The following CWC15 variants were observed in gnomAD, a reference collection of about 807,000 sequenced individuals.
CWC15 encodes CWC15 spliceosome associated protein.
Under a neutral mutation model 28.4 loss-of-function variants are expected in CWC15, and 12 were observed. The observed-to-expected ratio is 0.42, with a 90% CI of 0.27 to 0.69. The LOEUF is 0.69. Among genes scored for constraint, CWC15 ranks in the 30% least tolerant of loss-of-function variants. The pLI, the probability that CWC15 is intolerant of heterozygous loss-of-function variation, is 0.23. For missense variants in CWC15, 192 were observed against 271.5 expected (o/e 0.71, Z 2.06); for synonymous variants, 92 against 88.4 (o/e 1.04, Z -0.23).
intron 6 of CWC15, 73 bp downstream of exon 6, chr11:94,966,218 TACAC>T: frequency 5.1e-6 from 4 of 788,902 alleles, no homozygotes; most frequent in South Asian, 3.6e-5. Flanking sequence ...TGTATACACA[TACAC>T]ATATACACAC....
intron 6 of CWC15, 69 bp downstream of exon 6, chr11:94,966,226 T>TACACACACACACACACACACAC (rs58215154): frequency 4.9e-6 from 3 of 608,050 alleles, no homozygotes; most frequent in Non-Finnish European, 8.7e-6. Flanking sequence ...CATACACATA[T>TACACACACACACACACACACAC]ACACACACAC....
At chr11:94,972,858 G>C (rs1857743460) in intron 1 of CWC15, among the ~76,000 whole-genome samples, 1 of 151,984 alleles carries the variant, frequency 6.6e-6, no homozygotes, top group Admixed American at 6.5e-5. Flanking sequence ...ATAATTTAAG[G>C]CCTGTTCAAA....
intron 6 of CWC15, among the ~76,000 whole-genome samples, chr11:94,964,781 T>A (rs145360437): frequency 6.6e-6 from 1 of 152,364 alleles, no homozygotes; most frequent in African/African-American, 2.4e-5. Context: ...TTGTATAATG[T>A]TTAGAGGCTG....
At chr11:94,972,033 T>TA in intron 2 of CWC15, 22 bp downstream of exon 2, 1 of 1,602,094 alleles carries the variant, frequency 6.2e-7, no homozygotes, top group Non-Finnish European at 8.5e-7. Context: ...TTGTGAACAA[T>TA]AAAAAAAGAA....
chr11:94,966,835 TA>T (rs1381459716), intron 5 of CWC15, among the ~76,000 whole-genome samples: 1 of 152,138 alleles, frequency 6.6e-6, no homozygotes, highest in Non-Finnish European at 1.5e-5. Context: ...ACCTTCATTT[TA>T]AAGGGTCATA....
chr11:94,966,602 T>C (rs1258853215), intron 5 of CWC15, among the ~76,000 whole-genome samples, 189 bp from the exon 6 acceptor site: 1 of 144,496 alleles, frequency 6.9e-6, no homozygotes, highest in Non-Finnish European at 1.5e-5. Flanking sequence ...CTCATCAAAA[T>C]AAAATAATTT....
intron 6 of CWC15, among the ~76,000 whole-genome samples, chr11:94,965,012 G>A (rs1857618236): frequency 6.6e-6 from 1 of 152,102 alleles, no homozygotes; most frequent in African/African-American, 2.4e-5. Flanking sequence ...TCACTCCAGA[G>A]GGGAGAGCAG....
In CWC15 at chr11:94,971,422, C is replaced by T; in HGVS notation, c.197G>A (p.Arg66Lys). 1 of 1,613,140 alleles carries T rather than the reference C, an allele frequency of 6.2e-7. No individual in the cohort carries two copies. Among genetic ancestry groups the T allele is most frequent in the Non-Finnish European group, 8.5e-7 (1 of 1,179,524 alleles). Residue 66 changes from arginine (R) to lysine (K), a missense_variant, in exon 3 of 7, where the codon AGA becomes AAA. Arg to Lys is a conservative substitution (Grantham distance 26, BLOSUM62 2). Around this residue, in one of 2 missense-constraint regions of CWC15, gnomAD observed 188 missense variants for 250.3 expected, o/e 0.75. Transcript: ENST00000279839. ...NRDFRRELEERERAAAREKNR... is the reference protein window; with the variant it reads ...NRDFRRELEEKERAAAREKNR... ...TTTCTCTCTTGCAGCAGCTCTCTCT[C>T]TTTCTTCCAACTCTCTCCTGAAGTC...
chr11:94,966,392 C>T lies in CWC15; in HGVS notation c.463G>A (p.Glu155Lys). ...ARKEQEQKAE[E>K]ERIRMENILS... ...ATGTTTTCCATACGAATCCTCTCTT[C>T]TTCAGCTTTTTGTTCTTGTTCCTGT... The change falls in exon 6 of 7, where the codon GAA becomes AAA. Residue 155 changes from glutamate (E) to lysine (K), a missense_variant. Glu to Lys is a moderately conservative substitution (Grantham distance 56, BLOSUM62 1). Transcript: ENST00000279839. 1 of 1,552,532 alleles carries T rather than the reference C, an allele frequency of 6.4e-7. No individual in the cohort carries two copies. Among genetic ancestry groups the T allele is most frequent in the Non-Finnish European group, 8.7e-7 (1 of 1,147,250 alleles).
intron 6 of CWC15, among the ~76,000 whole-genome samples, chr11:94,964,962 C>T (rs1030157670): frequency 3.3e-5 from 5 of 152,252 alleles, no homozygotes; most frequent in African/African-American, 1.2e-4. Context: ...CTACTATCTC[C>T]AGCTTGGACT....
rs1555095258 is a variant in CWC15, at chr11:94,966,283, A to G, written c.560+12T>C. Reference sequence around the variant, plus strand: ...CACACACACACTCCATTACTCCGTTACTGTATAGTACCTTCTTTTAACTTT... The same window carrying G: ...CACACACACACTCCATTACTCCGTTGCTGTATAGTACCTTCTTTTAACTTT... On this transcript the variant is annotated intron_variant, in intron 6 of 6. Transcript: ENST00000279839. The G allele has an allele frequency of 7.5e-7, 1 of 1,338,036 alleles. No homozygotes were observed. Among genetic ancestry groups the G allele is most frequent in the Non-Finnish European group, 1.0e-6 (1 of 953,958 alleles). 82.9% of individuals were successfully genotyped at this position (1,338,036 alleles called of 1,614,324 possible).
At chr11:94,969,525 T>G (rs587751091) in intron 5 of CWC15, among the ~76,000 whole-genome samples, 1 of 152,224 alleles carries the variant, frequency 6.6e-6, no homozygotes, top group East Asian at 1.9e-4. Context: ...AGTTTTATAT[T>G]TTTTCCTCAT....
At chr11:94,964,439 A>C (rs587688855) in intron 6 of CWC15, among the ~76,000 whole-genome samples, 2 of 152,250 alleles carry the variant, frequency 1.3e-5, no homozygotes, top group Non-Finnish European at 1.5e-5. Context: ...GAGCAGATCA[A>C]TATGACTGGG....
chr11:94,968,480 G>C lies in CWC15; in HGVS notation c.441+1509C>G, dbSNP rs1267111062. ...GTCTAAAATGTTTATCCTCCCTCAA[G>C]GTCAACCAAAAGCATTTAAATTGCT... On this transcript the variant is annotated intron_variant, in intron 5 of 6. Transcript: ENST00000279839. 3.3e-5 allele frequency among the ~76,000 whole-genome samples: 5 copies of C among 152,202 alleles called. No homozygotes were observed. In the East Asian group the frequency reaches 9.6e-4, roughly 29 times the overall value.
At chr11:94,969,468 T>C (rs587689190) in intron 5 of CWC15, among the ~76,000 whole-genome samples, 11 of 152,332 alleles carry the variant, frequency 7.2e-5, no homozygotes, top group African/African-American at 2.6e-4. Flanking sequence ...CAGTTTCACC[T>C]CTTATTATCA....
intron 4 of CWC15, 191 bp from the exon 5 acceptor site, chr11:94,970,287 A>G: frequency 2.5e-6 from 1 of 403,914 alleles, no homozygotes. Flanking sequence ...AATAATTTCA[A>G]ATGAATAATC....
At chr11:94,971,263 T>C (rs927497658) in intron 3 of CWC15, 112 bp downstream of exon 3, 2 of 992,656 alleles carry the variant, frequency 2.0e-6, no homozygotes, top group Non-Finnish European at 3.1e-6. Flanking sequence ...GTAGTACAGC[T>C]CACATCAATC....
intron 1 of CWC15, among the ~76,000 whole-genome samples, chr11:94,972,407 C>T (rs1434863865): frequency 6.6e-6 from 1 of 152,188 alleles, no homozygotes. Context: ...ACAAAAAATT[C>T]TGTCATGAAG....
chr11:94,967,025 T>C (rs1857655618), intron 5 of CWC15, among the ~76,000 whole-genome samples: 1 of 149,920 alleles, frequency 6.7e-6, no homozygotes, highest in Admixed American at 6.8e-5. Context: ...TGATCTATTT[T>C]GTTTTTATTG....
Sources: allele counts gnomAD v4.1 joint callset (sites outside exome capture counted in the v4.1 genomes callset), GRCh38; gene constraint gnomAD v4.1.1; regional missense constraint gnomAD v4.1.1; transcripts MANE v1.5; gene names NCBI Gene and HGNC (gene_info 2026-07-23, HGNC 2026-07-21).